VLDLR: variants seen among roughly 807,000 people sequenced by gnomAD.
VLDLR encodes very low density lipoprotein receptor.
Under a neutral mutation model 112.7 loss-of-function variants are expected in VLDLR, and 81 were observed. The ratio of observed to expected loss-of-function variants is 0.72; its 90% CI spans 0.60 to 0.86. The LOEUF (loss-of-function observed/expected upper bound fraction) is 0.86, where lower values mean the gene tolerates loss of function less well. Among genes scored for constraint, VLDLR ranks in the 40% least tolerant of loss-of-function variants. VLDLR has a pLI of 0.00. For missense variants in VLDLR, 1,237 were observed against 1,099.4 expected (o/e 1.13, Z -1.77); for synonymous variants, 436 against 384.8 (o/e 1.13, Z -1.56).
chr9:2,655,240 G>A lies in VLDLR; in HGVS notation c.*1372G>A, dbSNP rs949841813. ...AGATTCTTACTATGGACAATTTCTG[G>A]AACTTACAGTATGAAGAGCAGATGA... On this transcript the variant is annotated 3_prime_UTR_variant, in exon 19 of 19. Coordinates refer to ENST00000382100, the MANE Select transcript of VLDLR (RefSeq NM_003383.5). 28 of 152,156 alleles carry A rather than the reference G, an allele frequency of 1.8e-4. No homozygotes were observed. Among genetic ancestry groups the A allele is most frequent in the African/African-American group, 6.8e-4 (28 of 41,438 alleles). The allele number at this position is 152,156 out of a possible 1,614,324, so 9.4% of individuals were successfully genotyped here. A position where few individuals can be genotyped will look rare whatever the true frequency, so the allele number is the denominator to read the frequency against.
At chr9:2,652,233 A>T (rs1462506969) in intron 17 of VLDLR, among the ~76,000 whole-genome samples, 2 of 152,148 alleles carry the variant, frequency 1.3e-5, no homozygotes, top group Non-Finnish European at 2.9e-5. Flanking sequence ...TTTTATAATA[A>T]GTCTCTTTAA....
rs1309218130 is a variant in VLDLR, at chr9:2,643,699, A to G, written c.892A>G (p.Asn298Asp). Reference sequence around the variant, plus strand: ...CTGCATCCATGGCAGCAGGCAGTGTAATGGTATCCGAGACTGTGTCGATGG... The same window carrying G: ...CTGCATCCATGGCAGCAGGCAGTGTGATGGTATCCGAGACTGTGTCGATGG... ...GSCIHGSRQC[N>D]GIRDCVDGSD... is the part of the protein sequence containing the mutation. Residue 298 changes from asparagine to aspartate, a missense_variant, in exon 6 of 19, where the codon AAT becomes GAT. Physicochemically the swap from Asn to Asp is conservative, Grantham distance 23. Transcript: ENST00000382100. 1.2e-6 allele frequency: 2 copies of G among 1,614,086 alleles called. No homozygotes were observed. Among genetic ancestry groups the G allele is most frequent in the Admixed American group, 1.7e-5 (1 of 60,006 alleles).
In VLDLR at chr9:2,646,580, T is replaced by A. The variant is rs767112134; in HGVS notation, c.1703+28T>A. 2.5e-6 allele frequency: 4 copies of A among 1,605,744 alleles called. No individual in the cohort carries two copies. The African/African-American group carries it at 5.3e-5, about 21-fold the overall frequency. Reference sequence around the variant, plus strand: ...TTGTAGTCTGTTTTCCATCACAGACTTTGGAATGGTATCTGTGTAGGTCAG... The same window carrying A: ...TTGTAGTCTGTTTTCCATCACAGACATTGGAATGGTATCTGTGTAGGTCAG... On this transcript the variant is annotated intron_variant, in intron 11 of 18. Transcript: ENST00000382100.
At chr9:2,627,864 CAAAAAAA>C (rs544070052) in intron 1 of VLDLR, among the ~76,000 whole-genome samples, 2 of 104,412 alleles carry the variant, frequency 1.9e-5, no homozygotes, top group Non-Finnish European at 4.2e-5. Flanking sequence ...GAATCCATCT[CAAAAAAA>C]AAAAAAAAAA....
At chr9:2,634,884 C>T (rs903744396) in intron 1 of VLDLR, among the ~76,000 whole-genome samples, 1 of 152,144 alleles carries the variant, frequency 6.6e-6, no homozygotes, top group African/African-American at 2.4e-5. Context: ...ATAGAAACAT[C>T]ATTAATGGAT....
chr9:2,651,793 GT>G, intron 16 of VLDLR, 80 bp from the exon 17 acceptor site: 1 of 1,494,026 alleles, frequency 6.7e-7, no homozygotes. Context: ...GGATGCAAAG[GT>G]TTTGGCTCCT....
At chr9:2,646,738 A>G (rs2094090726) in intron 11 of VLDLR, among the ~76,000 whole-genome samples, 186 bp downstream of exon 11, 1 of 152,218 alleles carries the variant, frequency 6.6e-6, no homozygotes, top group African/African-American at 2.4e-5. Context: ...TATCTATATG[A>G]CAGGTCCTCC....
At chr9:2,640,844 A>C (rs1304815822) in intron 3 of VLDLR, among the ~76,000 whole-genome samples, 4 of 152,208 alleles carry the variant, frequency 2.6e-5, no homozygotes. Flanking sequence ...TTGTGTAAAG[A>C]TTCAGCCTCA....
At chr9:2,648,174 C>T (rs2130801093) in intron 12 of VLDLR, 34 bp from the exon 13 acceptor site, 2 of 1,612,660 alleles carry the variant, frequency 1.2e-6, no homozygotes, top group East Asian at 2.2e-5. Flanking sequence ...GTAGTAGTGG[C>T]TTGTCATGTA....
In VLDLR at chr9:2,644,844, A is replaced by G. The variant is rs1254613284; in HGVS notation, c.1177A>G (p.Thr393Ala). The G allele has an allele frequency of 1.2e-6, 2 of 1,614,126 alleles. No individual in the cohort carries two copies. Among genetic ancestry groups the G allele is most frequent in the Middle Eastern group, 1.6e-4 (1 of 6,062 alleles). Reference sequence around the variant, plus strand: ...TGGGTTTGAACTGATAGATAGGAAAACCTGTGGAGGTGAGTCTAAGAAGAA... The same window carrying G: ...TGGGTTTGAACTGATAGATAGGAAAGCCTGTGGAGGTGAGTCTAAGAAGAA... ...AAGFELIDRK[T>A]CGDIDECQNP... The change falls in exon 8 of 19, where the codon ACC becomes GCC. Residue 393 changes from threonine to alanine, a missense_variant. Transcript: ENST00000382100.
Position 2,648,313 on chromosome 9 carries a change from T to C in VLDLR, c.1928T>C (p.Phe643Ser). 6.2e-7 allele frequency: 1 copy of C among 1,614,196 alleles called. No homozygotes were observed. Among genetic ancestry groups the C allele is most frequent in the Non-Finnish European group, 8.5e-7 (1 of 1,180,032 alleles). ...AGGATAGTACTAAAGTCTCTGGAGT[T>C]CCTAGCTCATCCTCTTGCACTAACA... ...DRRIVLKSLE[F>S]LAHPLALTIF... The change falls in exon 13 of 19, where the codon TTC (phenylalanine) becomes TCC (serine). Residue 643 changes from phenylalanine to serine, a missense_variant. By Grantham distance (155) the Phe-to-Ser change is radical (BLOSUM62 -2). Transcript: ENST00000382100.
rs10118324 is a variant in VLDLR, at chr9:2,642,264, A to T, written c.448+765A>T. On this transcript the variant is annotated intron_variant, in intron 4 of 18. Coordinates refer to ENST00000382100, the MANE Select transcript of VLDLR (RefSeq NM_003383.5). ...AAAACCTACAGCTCCCAAGTCTGAC[A>T]AGCATGGGCCTCCTGATATGGTAGT... Among the ~76,000 whole-genome samples the T allele has an allele frequency of 1.2e-3, 189 of 152,296 alleles. 2 individuals carry two copies. Among genetic ancestry groups the T allele is most frequent in the African/African-American group, 4.5e-3 (186 of 41,564 alleles).
intron 1 of VLDLR, among the ~76,000 whole-genome samples, chr9:2,633,763 C>T (rs1817472788): frequency 6.6e-6 from 1 of 152,076 alleles, no homozygotes; most frequent in South Asian, 2.1e-4. Context: ...TTCACAGTCC[C>T]CAAAGGTAGT....
intron 8 of VLDLR, 25 bp downstream of exon 8, chr9:2,644,878 C>T (rs759121549): frequency 6.8e-6 from 11 of 1,613,908 alleles, no homozygotes; most frequent in South Asian, 2.2e-5. Flanking sequence ...AAAACCTGGA[C>T]CCTGCAGGTG....
chr9:2,644,459 G>A (rs560105529), intron 7 of VLDLR, among the ~76,000 whole-genome samples: 6 of 150,970 alleles, frequency 4.0e-5, no homozygotes, highest in East Asian at 1.9e-4. Context: ...ATGAGCCACC[G>A]CGCCCGGCCC....
chr9:2,658,312 G>A lies in VLDLR; in HGVS notation c.*4444G>A, dbSNP rs1353978208. ...ATCATGTCTCCTGAGTCCGTTTCAC[G>A]TTTTTGAGCCTGGCTAATGAGAAAA... On this transcript the variant is annotated 3_prime_UTR_variant, in exon 19 of 19. Transcript: ENST00000382100. 6 of 152,160 alleles carry A rather than the reference G, an allele frequency of 3.9e-5. No individual in the cohort carries two copies. In the East Asian group the frequency reaches 9.6e-4, roughly 24 times the overall value. 9.4% of individuals were successfully genotyped at this position (152,160 alleles called of 1,614,324 possible). A position where few individuals can be genotyped will look rare whatever the true frequency, so the allele number is the denominator to read the frequency against.
chr9:2,654,793 G>A lies in VLDLR; in HGVS notation c.*925G>A, dbSNP rs550542363. On this transcript the variant is annotated 3_prime_UTR_variant, in exon 19 of 19. Transcript: ENST00000382100. Reference sequence around the variant, plus strand: ...ACGTGCTAAGATTTCTATGAATTCTGCTTCTTTATAGTTAAGTCTCTGTTT... The same window carrying A: ...ACGTGCTAAGATTTCTATGAATTCTACTTCTTTATAGTTAAGTCTCTGTTT... The A allele has an allele frequency of 6.6e-6, 1 of 152,186 alleles. No homozygotes were observed. The highest frequency in any genetic ancestry group is 1.9e-4 in the East Asian group (1 of 5,188). The allele number at this position is 152,186 out of a possible 1,614,324, so 9.4% of individuals were successfully genotyped here.
intron 14 of VLDLR, among the ~76,000 whole-genome samples, chr9:2,649,543 C>T (rs1818225836): frequency 6.6e-6 from 1 of 152,124 alleles, no homozygotes; most frequent in African/African-American, 2.4e-5. Flanking sequence ...AGGAGTGAGC[C>T]ACCACGTCCA....
In VLDLR at chr9:2,641,200, A is replaced by G. The variant is rs77850778; in HGVS notation, c.326-177A>G. On this transcript the variant is annotated intron_variant, in intron 3 of 18. Transcript: ENST00000382100. ...ACACTGCCAGGTAGCATAGGTTGGC[A>G]CAGCTTCTAAGGAGTGGAGCTGATG... Among the ~76,000 whole-genome samples, 1,236 of 152,278 alleles carry G rather than the reference A, an allele frequency of 8.1e-3. 22 individuals are homozygous for G. The highest frequency in any genetic ancestry group is 0.029 in the African/African-American group (1,186 of 41,560).
Sources: gnomAD v4.1 joint callset for allele counts (sites outside exome capture counted in the v4.1 genomes callset) on GRCh38, gnomAD v4.1.1 for gene constraint, MANE v1.5 for transcripts, NCBI Gene and HGNC (gene_info 2026-07-23, HGNC 2026-07-21) for gene names.